ARNT2: variants seen among roughly 807,000 people sequenced by gnomAD.
ARNT2 encodes the protein ARNT protein 2.
ARNT2 carries 36 observed loss-of-function variants against 91.7 expected under a neutral mutation model. The ratio of observed to expected loss-of-function variants is 0.39; its 90% CI spans 0.30 to 0.52. ARNT2 has a LOEUF of 0.52. Ranked by LOEUF, ARNT2 falls within the 20% of genes least tolerant of loss-of-function variation. The pLI, the probability that ARNT2 is intolerant of heterozygous loss-of-function variation, is 0.72. For synonymous variants in ARNT2, 365 were observed against 347.1 expected (o/e 1.05, Z -0.57); for missense variants, 775 against 939.3 (o/e 0.83, Z 2.29).
In ARNT2 at chr15:80,593,759, T is replaced by C. The variant is rs549513772; in HGVS notation, c.*61T>C. On this transcript the variant is annotated 3_prime_UTR_variant, in exon 19 of 19. Coordinates refer to ENST00000303329, the MANE Select transcript of ARNT2 (RefSeq NM_014862.4). ...ACCCATACTGTGATGTCGATGCCCA[T>C]GTGAATGAGGCCCACCCTCGCCCTG... The C allele has an allele frequency of 1.8e-5, 26 of 1,468,282 alleles. No homozygotes were observed. The highest frequency in any genetic ancestry group is 7.3e-5 in the East Asian group (3 of 41,028). The allele number at this position is 1,468,282 out of a possible 1,614,324, so 91.0% of individuals were successfully genotyped here.
intron 1 of ARNT2, among the ~76,000 whole-genome samples, chr15:80,409,247 C>T (rs909219804): frequency 5.3e-5 from 8 of 152,328 alleles, no homozygotes; most frequent in Admixed American, 2.0e-4. Flanking sequence ...CTCCCACTTC[C>T]GAATTCTTGG....
chr15:80,463,703 G>A (rs1416094777), intron 3 of ARNT2, among the ~76,000 whole-genome samples: 6 of 151,510 alleles, frequency 4.0e-5, no homozygotes, highest in South Asian at 2.1e-4. Context: ...CTCAGCCTCC[G>A]GAGTAGCTGG....
At chr15:80,437,207 G>T (rs1317773252) in intron 1 of ARNT2, among the ~76,000 whole-genome samples, 1 of 152,142 alleles carries the variant, frequency 6.6e-6, no homozygotes, top group African/African-American at 2.4e-5. Flanking sequence ...AAGTCACGAG[G>T]TTGTGAAGGG....
chr15:80,461,010 C>T (rs531588899), intron 3 of ARNT2, among the ~76,000 whole-genome samples: 1 of 152,212 alleles, frequency 6.6e-6, no homozygotes, highest in African/African-American at 2.4e-5. Context: ...GATTAATTCT[C>T]GTGGCTTCCA....
At chr15:80,473,315 A>G (rs1406160793) in intron 4 of ARNT2, among the ~76,000 whole-genome samples, 1 of 152,132 alleles carries the variant, frequency 6.6e-6, no homozygotes, top group Non-Finnish European at 1.5e-5. Flanking sequence ...GGGAATACAC[A>G]TCAGGGAGGA....
intron 5 of ARNT2, among the ~76,000 whole-genome samples, chr15:80,491,038 G>C (rs140550138): frequency 6.6e-6 from 1 of 152,264 alleles, no homozygotes; most frequent in East Asian, 1.9e-4. Flanking sequence ...GGAAGGACAT[G>C]AATGGGAATT....
intron 15 of ARNT2, among the ~76,000 whole-genome samples, chr15:80,579,854 A>C (rs1034738716): frequency 2.0e-5 from 3 of 152,228 alleles, no homozygotes; most frequent in Non-Finnish European, 4.4e-5. Context: ...AGTTAAGTCG[A>C]AGGTGAACTG....
intron 1 of ARNT2, among the ~76,000 whole-genome samples, chr15:80,449,810 A>G (rs1427590890): frequency 2.0e-5 from 3 of 152,210 alleles, no homozygotes; most frequent in Admixed American, 6.5e-5. Flanking sequence ...CCAACCATGC[A>G]CTGTCAACAT....
At chr15:80,438,322 C>T (rs1170680374) in intron 1 of ARNT2, among the ~76,000 whole-genome samples, 6 of 152,110 alleles carry the variant, frequency 3.9e-5, no homozygotes, top group Non-Finnish European at 7.4e-5. Context: ...ATTATGTCTG[C>T]ATTGGTGATG....
chr15:80,469,662 T>C (rs1896705904), intron 3 of ARNT2, among the ~76,000 whole-genome samples: 1 of 152,190 alleles, frequency 6.6e-6, no homozygotes, highest in Admixed American at 6.5e-5. Flanking sequence ...GTGCACAGGT[T>C]GGAGTGCAGT....
intron 1 of ARNT2, among the ~76,000 whole-genome samples, chr15:80,417,967 T>G (rs898735050): frequency 6.6e-6 from 1 of 152,234 alleles, no homozygotes; most frequent in African/African-American, 2.4e-5. Context: ...TGGGGGGTGA[T>G]CACAGCACTC....
At chr15:80,406,870 G>A (rs1308819895) in intron 1 of ARNT2, among the ~76,000 whole-genome samples, 1 of 152,148 alleles carries the variant, frequency 6.6e-6, no homozygotes, top group Non-Finnish European at 1.5e-5. Flanking sequence ...GATGATCCGT[G>A]GGGATGTGTT....
intron 1 of ARNT2, among the ~76,000 whole-genome samples, chr15:80,430,766 C>T (rs879751349): frequency 5.3e-5 from 8 of 152,128 alleles, no homozygotes; most frequent in Admixed American, 1.3e-4. Context: ...AATGAAGGAA[C>T]GCAATCTCCT....
At chr15:80,459,702 T>C (rs1896526255) in intron 3 of ARNT2, among the ~76,000 whole-genome samples, 1 of 152,236 alleles carries the variant, frequency 6.6e-6, no homozygotes, top group African/African-American at 2.4e-5. Context: ...TCTGGGTAAC[T>C]ATCTCATGAC....
At chr15:80,484,432 T>A (rs1216567255) in intron 5 of ARNT2, among the ~76,000 whole-genome samples, 1 of 152,232 alleles carries the variant, frequency 6.6e-6, no homozygotes, top group African/African-American at 2.4e-5. Context: ...GGTTGTTTTT[T>A]GTATCTTCAC....
intron 1 of ARNT2, among the ~76,000 whole-genome samples, chr15:80,445,356 G>C (rs1896281007): frequency 6.7e-6 from 1 of 150,010 alleles, no homozygotes; most frequent in Non-Finnish European, 1.5e-5. Flanking sequence ...GTGTTGATGT[G>C]AGTGGTGTAT....
At chr15:80,416,865 G>A (rs764402821) in intron 1 of ARNT2, among the ~76,000 whole-genome samples, 6 of 152,120 alleles carry the variant, frequency 3.9e-5, no homozygotes, top group South Asian at 4.1e-4. Context: ...AGTCAAGGTC[G>A]TGTATAGACA....
At chr15:80,520,792 A>G (rs1261191014) in intron 8 of ARNT2, among the ~76,000 whole-genome samples, 3 of 152,046 alleles carry the variant, frequency 2.0e-5, no homozygotes, top group African/African-American at 7.2e-5. Flanking sequence ...TGTTTGTTAC[A>G]TTTTCTATTT....
intron 4 of ARNT2, among the ~76,000 whole-genome samples, chr15:80,472,424 G>A (rs1362799669): frequency 6.6e-6 from 1 of 152,196 alleles, no homozygotes; most frequent in East Asian, 1.9e-4. Flanking sequence ...GAGACCTAAT[G>A]ATTTATTCTG....
Sources: allele counts gnomAD v4.1 joint callset (sites outside exome capture counted in the v4.1 genomes callset), GRCh38; gene constraint gnomAD v4.1.1; transcripts MANE v1.5; gene names NCBI Gene and HGNC (gene_info 2026-07-23, HGNC 2026-07-21).